Variants in MACROD2 observed in about 807,000 individuals in gnomAD.
The protein encoded by MACROD2 is ADP-ribose glycohydrolase MACROD2.
In MACROD2, 36 loss-of-function variants were observed where a neutral mutation model predicts 70.4. That is an observed-to-expected ratio of 0.51 (90% CI 0.39 to 0.68). MACROD2 has a LOEUF of 0.68. Among genes scored for constraint, MACROD2 ranks in the 30% least tolerant of loss-of-function variants. MACROD2 has a pLI of 0.00. For missense variants in MACROD2, 496 were observed against 538.4 expected (o/e 0.92, Z 0.78); for synonymous variants, 172 against 178.8 (o/e 0.96, Z 0.30).
At chr20:16,018,911 A>G (rs796980997) in intron 15 of MACROD2, among the ~76,000 whole-genome samples, 17 of 152,290 alleles carry the variant, frequency 1.1e-4, no homozygotes, top group Admixed American at 6.5e-4. Flanking sequence ...GTCCTTCACT[A>G]TCATGGAATC....
chr20:15,541,145 A>G (rs1427642526), intron 8 of MACROD2, among the ~76,000 whole-genome samples: 1 of 152,176 alleles, frequency 6.6e-6, no homozygotes, highest in Non-Finnish European at 1.5e-5. Context: ...TTATTAATGC[A>G]TCATTGGTTA....
intron 4 of MACROD2, among the ~76,000 whole-genome samples, chr20:14,624,403 A>G (rs1193165708): frequency 6.6e-6 from 1 of 152,166 alleles, no homozygotes; most frequent in African/African-American, 2.4e-5. Context: ...TTTAGAATAG[A>G]AAAGAGCTGG....
chr20:14,027,739 G>A (rs1263577128), intron 2 of MACROD2, among the ~76,000 whole-genome samples: 1 of 152,190 alleles, frequency 6.6e-6, no homozygotes, highest in East Asian at 1.9e-4. Context: ...ATCACCAGCA[G>A]AGGCTGCAGA....
intron 3 of MACROD2, among the ~76,000 whole-genome samples, chr20:14,245,703 A>T (rs2081963532): frequency 6.6e-6 from 1 of 152,172 alleles, no homozygotes; most frequent in Admixed American, 6.5e-5. Context: ...ACTGGCCTGG[A>T]GCTCTTAATG....
chr20:14,987,214 A>G (rs1197997112), intron 5 of MACROD2, among the ~76,000 whole-genome samples: 1 of 152,146 alleles, frequency 6.6e-6, no homozygotes, highest in Non-Finnish European at 1.5e-5. Context: ...CACAAATCTA[A>G]CAATTGATTT....
intron 3 of MACROD2, among the ~76,000 whole-genome samples, chr20:14,278,387 T>A (rs1472371554): frequency 3.3e-5 from 5 of 152,178 alleles, no homozygotes; most frequent in Non-Finnish European, 5.9e-5. Context: ...AGGCAGGTTA[T>A]CCACTAGTGG....
At chr20:15,077,126 C>T (rs1243386939) in intron 5 of MACROD2, among the ~76,000 whole-genome samples, 1 of 152,152 alleles carries the variant, frequency 6.6e-6, no homozygotes, top group African/African-American at 2.4e-5. Flanking sequence ...ACAAAACAGA[C>T]CCTGAATTGT....
At chr20:14,834,253 G>GT (rs1295600341) in intron 5 of MACROD2, among the ~76,000 whole-genome samples, 15 of 140,010 alleles carry the variant, frequency 1.1e-4, no homozygotes, top group African/African-American at 3.6e-4. Flanking sequence ...CCGCTAGTAT[G>GT]GTTTTTTTTT....
At position 14,558,299 on chromosome 20, in the gene MACROD2, A is replaced by G. The variant is rs556928774; in HGVS notation, c.301+64791A>G. Among the ~76,000 whole-genome samples, 49 of 151,882 alleles carry G rather than the reference A, an allele frequency of 3.2e-4. No individual in the cohort carries two copies. In the South Asian group the frequency reaches 7.0e-3, roughly 22 times the overall value. On this transcript the variant is annotated intron_variant, in intron 4 of 17. Coordinates refer to ENST00000684519, the MANE Select transcript of MACROD2 (RefSeq NM_001351661.2). ...GATGGTTGAAAGAGTCTATGAACAT[A>G]CAAAAACCATTTAATCGTGTATTTT...
intron 5 of MACROD2, among the ~76,000 whole-genome samples, chr20:15,134,008 G>A (rs533888848): frequency 8.3e-4 from 121 of 146,268 alleles, no homozygotes; most frequent in African/African-American, 3.0e-3. Flanking sequence ...CCCGGGTCAC[G>A]CCATTCTCCT....
chr20:14,350,796 C>T (rs1174016554), intron 3 of MACROD2, among the ~76,000 whole-genome samples: 2 of 152,054 alleles, frequency 1.3e-5, no homozygotes, highest in Non-Finnish European at 2.9e-5. Flanking sequence ...CTTTGGTTGC[C>T]TGTGCTTGTG....
chr20:15,458,328 T>C (rs2046757994), intron 7 of MACROD2, among the ~76,000 whole-genome samples: 1 of 152,146 alleles, frequency 6.6e-6, no homozygotes, highest in Non-Finnish European at 1.5e-5. Flanking sequence ...TTCCCTATAA[T>C]AGTGAGATCA....
chr20:15,654,613 G>A (rs1379650981), intron 8 of MACROD2, among the ~76,000 whole-genome samples: 1 of 152,226 alleles, frequency 6.6e-6, no homozygotes, highest in Non-Finnish European at 1.5e-5. Flanking sequence ...TGATGGGATG[G>A]GGGAGTGGGG....
At chr20:15,892,868 T>C (rs2064910427) in intron 10 of MACROD2, 1 of 398,276 alleles carries the variant, frequency 2.5e-6, no homozygotes, top group East Asian at 3.6e-5. Context: ...AAATTTCACA[T>C]AATTTTGAAC....
chr20:16,041,288 T>G lies in MACROD2; in HGVS notation c.1231+10T>G, dbSNP rs1239648390. The G allele has an allele frequency of 6.2e-7, 1 of 1,608,234 alleles. No homozygotes were observed. Among genetic ancestry groups the G allele is most frequent in the Middle Eastern group, 1.7e-4 (1 of 6,012 alleles). ...ACTCCAGGTCCTGATGGTAAGGTTCTGAGCTATTGGAGCCCATGGAAACTA... is the reference window on the plus strand; with the variant it reads ...ACTCCAGGTCCTGATGGTAAGGTTCGGAGCTATTGGAGCCCATGGAAACTA... On this transcript the variant is annotated intron_variant, in intron 16 of 17. Transcript: ENST00000684519.
chr20:15,650,193 GC>G (rs2146793997), intron 8 of MACROD2, among the ~76,000 whole-genome samples: 1 of 152,264 alleles, frequency 6.6e-6, no homozygotes, highest in Non-Finnish European at 1.5e-5. Context: ...ATCTGGCTGG[GC>G]TCAGCAATGC....
At chr20:15,389,638 G>A (rs1199802705) in intron 6 of MACROD2, among the ~76,000 whole-genome samples, 1 of 152,118 alleles carries the variant, frequency 6.6e-6, no homozygotes, top group Non-Finnish European at 1.5e-5. Context: ...AAATAGCCTC[G>A]TTTCAGTTTA....
chr20:15,786,909 AG>A (rs1268736300), intron 8 of MACROD2, among the ~76,000 whole-genome samples: 1 of 152,206 alleles, frequency 6.6e-6, no homozygotes, highest in African/African-American at 2.4e-5. Context: ...ACAAAGTGTA[AG>A]TGTCCCAATT....
intron 5 of MACROD2, among the ~76,000 whole-genome samples, chr20:15,059,781 T>C (rs897517094): frequency 2.0e-5 from 3 of 152,232 alleles, no homozygotes; most frequent in African/African-American, 7.2e-5. Context: ...AGAGAAACTT[T>C]TAAAGCTCCT....
Sources: gnomAD v4.1 joint callset for allele counts (sites outside exome capture counted in the v4.1 genomes callset) on GRCh38, gnomAD v4.1.1 for gene constraint, MANE v1.5 for transcripts, NCBI Gene and HGNC (gene_info 2026-07-23, HGNC 2026-07-21) for gene names.